CPXM2: variants seen among roughly 807,000 people sequenced by gnomAD.
CPXM2 encodes inactive carboxypeptidase-like protein X2.
In CPXM2, 66 loss-of-function variants were observed where a neutral mutation model predicts 86.1. The observed-to-expected ratio is 0.77, with a 90% CI of 0.63 to 0.94. The LOEUF (loss-of-function observed/expected upper bound fraction) is 0.94, where lower values mean the gene tolerates loss of function less well. CPXM2 is among the 40% of genes least tolerant of loss of function. The pLI is 0.00. For synonymous variants in CPXM2, 388 were observed against 400.2 expected (o/e 0.97, Z 0.36); for missense variants, 948 against 1,026.3 (o/e 0.92, Z 1.04).
intron 4 of CPXM2, among the ~76,000 whole-genome samples, chr10:123,827,730 A>G (rs1848077859): frequency 6.6e-6 from 1 of 152,234 alleles, no homozygotes; most frequent in South Asian, 2.1e-4. Context: ...AAATTAATAT[A>G]GAAAAGCAAA....
intron 2 of CPXM2, among the ~76,000 whole-genome samples, chr10:123,918,883 A>G (rs1231750355): frequency 2.0e-5 from 3 of 152,012 alleles, no homozygotes; most frequent in African/African-American, 7.2e-5. Flanking sequence ...TTTTTTTCCT[A>G]GCTATTTTGT....
chr10:123,782,490 AC>A, intron 6 of CPXM2, among the ~76,000 whole-genome samples: 1 of 152,164 alleles, frequency 6.6e-6, no homozygotes, highest in Admixed American at 6.5e-5. Flanking sequence ...AGGTATGGGT[AC>A]CTTTTCCAGA....
chr10:123,909,173 C>T (rs555481686), intron 2 of CPXM2, among the ~76,000 whole-genome samples: 20 of 152,140 alleles, frequency 1.3e-4, no homozygotes, highest in Non-Finnish European at 2.6e-4. Context: ...GAGCAGGATT[C>T]GTGTAGCTCG....
At chr10:123,775,054 C>A (rs1392723626) in intron 7 of CPXM2, among the ~76,000 whole-genome samples, 2 of 152,148 alleles carry the variant, frequency 1.3e-5, no homozygotes, top group Non-Finnish European at 2.9e-5. Flanking sequence ...GCCCAGAAAG[C>A]CATCGAATAA....
chr10:123,845,684 T>C (rs1848480686), intron 3 of CPXM2, among the ~76,000 whole-genome samples: 1 of 152,078 alleles, frequency 6.6e-6, no homozygotes, highest in African/African-American at 2.4e-5. Context: ...AAATAAAAAC[T>C]GTACTTTCCC....
chr10:123,774,034 T>C (rs1373047720), intron 7 of CPXM2, among the ~76,000 whole-genome samples: 1 of 152,198 alleles, frequency 6.6e-6, no homozygotes, highest in Non-Finnish European at 1.5e-5. Context: ...AATACCCAAG[T>C]GAAAGAAGAT....
At chr10:123,759,953 GAACA>G (rs1179883997) in intron 11 of CPXM2, among the ~76,000 whole-genome samples, 1 of 152,090 alleles carries the variant, frequency 6.6e-6, no homozygotes, top group African/African-American at 2.4e-5. Flanking sequence ...AAAAAAAATG[GAACA>G]AAAAGGTGGA....
chr10:123,799,045 C>T (rs1847396825), intron 5 of CPXM2, 70 bp downstream of exon 5: 3 of 1,540,842 alleles, frequency 1.9e-6, no homozygotes, highest in African/African-American at 1.4e-5. Context: ...GTTGATCATA[C>T]ATTGCCTCTC....
At chr10:123,820,061 C>T (rs1847893883) in intron 4 of CPXM2, among the ~76,000 whole-genome samples, 1 of 152,218 alleles carries the variant, frequency 6.6e-6, no homozygotes, top group South Asian at 2.1e-4. Flanking sequence ...GCTCCCTGCC[C>T]TCGAACATCA....
chr10:123,759,224 C>G (rs2133982627), intron 11 of CPXM2, among the ~76,000 whole-genome samples: 1 of 152,292 alleles, frequency 6.6e-6, no homozygotes, highest in South Asian at 2.1e-4. Flanking sequence ...GAATTACAGA[C>G]AGTGCAAGAA....
chr10:123,933,251 C>A (rs1185867697), intron 2 of CPXM2, among the ~76,000 whole-genome samples: 2 of 152,210 alleles, frequency 1.3e-5, no homozygotes, highest in Non-Finnish European at 2.9e-5. Context: ...GCACTGACCA[C>A]CAAACTTCCC....
At chr10:123,903,753 A>T (rs1945406096) in intron 2 of CPXM2, among the ~76,000 whole-genome samples, 1 of 152,270 alleles carries the variant, frequency 6.6e-6, no homozygotes, top group African/African-American at 2.4e-5. Context: ...AGTCACTTGA[A>T]ATTTTACAAC....
intron 4 of CPXM2, among the ~76,000 whole-genome samples, chr10:123,819,325 A>G (rs1195669911): frequency 6.6e-6 from 1 of 152,174 alleles, no homozygotes; most frequent in Non-Finnish European, 1.5e-5. Flanking sequence ...AGTGGGCCAG[A>G]CCCTTCAGGA....
At chr10:123,756,482 C>CT (rs1322704710) in intron 12 of CPXM2, among the ~76,000 whole-genome samples, 3 of 152,140 alleles carry the variant, frequency 2.0e-5, no homozygotes, top group Admixed American at 1.3e-4. Context: ...CCCAGCGGTA[C>CT]TTGTTAAAGC....
chr10:123,760,069 TTAAAAAGGCTCAAGC>T (rs1846298892), intron 11 of CPXM2, among the ~76,000 whole-genome samples: 1 of 152,170 alleles, frequency 6.6e-6, no homozygotes, highest in African/African-American at 2.4e-5. Context: ...AGATGAATGA[TTAAAAAGGCTCAAGC>T]TACCGCATGG....
At chr10:123,763,569 G>C (rs1459038801) in intron 10 of CPXM2, among the ~76,000 whole-genome samples, 1 of 150,722 alleles carries the variant, frequency 6.6e-6, no homozygotes, top group African/African-American at 2.4e-5. Context: ...GGCGGGGGCA[G>C]AGGGGCGCAA....
At chr10:123,877,075 T>A (rs1023920119) in intron 2 of CPXM2, among the ~76,000 whole-genome samples, 6 of 152,170 alleles carry the variant, frequency 3.9e-5, no homozygotes. Context: ...TTGGGACACA[T>A]GTAAAAAACA....
chr10:123,781,787 G>C (rs1045771478), intron 6 of CPXM2, among the ~76,000 whole-genome samples: 2 of 152,190 alleles, frequency 1.3e-5, no homozygotes, highest in African/African-American at 4.8e-5. Flanking sequence ...TGGCTCTGCA[G>C]ACATTCACAG....
At chr10:123,943,437 C>A (rs1043741712), upstream of CPXM2, among the ~76,000 whole-genome samples, 11 of 152,174 alleles carry the variant, frequency 7.2e-5, no homozygotes, top group Non-Finnish European at 1.5e-5. Context: ...CTCAGGGGAG[C>A]CTCTGGTGCC....
Sources: allele counts gnomAD v4.1 joint callset (sites outside exome capture counted in the v4.1 genomes callset), GRCh38; gene constraint gnomAD v4.1.1; transcripts MANE v1.5; gene names NCBI Gene and HGNC (gene_info 2026-07-23, HGNC 2026-07-21).